The following TMEM14B variants were observed in gnomAD, a reference collection of about 807,000 sequenced individuals.
TMEM14B encodes the protein transmembrane protein 14B.
Under a neutral mutation model 14.8 loss-of-function variants are expected in TMEM14B, and 9 were observed. That is an observed-to-expected ratio of 0.61 (90% CI 0.37 to 1.06). TMEM14B has a LOEUF of 1.06. Ranked by LOEUF, TMEM14B falls within the 50% of genes least tolerant of loss-of-function variation. The pLI, the probability that TMEM14B is intolerant of heterozygous loss-of-function variation, is 0.01. For missense variants in TMEM14B, 128 were observed against 143.6 expected (o/e 0.89, Z 0.56); for synonymous variants, 40 against 51.3 (o/e 0.78, Z 0.94).
chr6:10,759,206 G>A (rs112889974), downstream of TMEM14B: 6,333 of 150,882 alleles, frequency 0.042, 439 homozygotes, highest in African/African-American at 0.14. Flanking sequence ...ATGAGCCACC[G>A]CACCAGGCCA....
chr6:10,756,267 T>A (rs79716849), intron 5 of TMEM14B, among the ~76,000 whole-genome samples, 200 bp from the exon 6 acceptor site: 4,012 of 152,236 alleles, frequency 0.026, 172 homozygotes, highest in African/African-American at 0.092. Context: ...GTGTGCTATT[T>A]TAAGACCTCA....
intron 4 of TMEM14B, 103 bp downstream of exon 4, chr6:10,751,337 T>A: frequency 7.7e-7 from 1 of 1,304,560 alleles, no homozygotes. Flanking sequence ...CCCACTTAAT[T>A]TACGACAGTT....
chr6:10,757,517 ATTAG>A (rs1771847980), downstream of TMEM14B, among the ~76,000 whole-genome samples: 1 of 152,166 alleles, frequency 6.6e-6, no homozygotes, highest in African/African-American at 2.4e-5. Context: ...TTTTTTGTTA[ATTAG>A]TTCATATATA....
At chr6:10,748,714 C>T (rs1208949045) in intron 1 of TMEM14B, among the ~76,000 whole-genome samples, 1 of 152,146 alleles carries the variant, frequency 6.6e-6, no homozygotes, top group Non-Finnish European at 1.5e-5. Context: ...CCCTCCCCTT[C>T]TGCCCTCCTA....
intron 5 of TMEM14B, 180 bp downstream of exon 5, chr6:10,755,412 T>G: frequency 6.7e-7 from 1 of 1,496,156 alleles, no homozygotes; most frequent in Non-Finnish European, 8.9e-7. Context: ...TCAAATGACA[T>G]GAGTATATCC....
At chr6:10,757,592 C>T (rs1186468781), downstream of TMEM14B, among the ~76,000 whole-genome samples, 2 of 152,182 alleles carry the variant, frequency 1.3e-5, no homozygotes, top group Non-Finnish European at 2.9e-5. Flanking sequence ...CTACATTGGA[C>T]ACATTTACTG....
chr6:10,751,036 C>CT (rs1771533430), intron 3 of TMEM14B, 97 bp from the exon 4 acceptor site: 1 of 1,459,574 alleles, frequency 6.9e-7, no homozygotes, highest in East Asian at 2.3e-5. Flanking sequence ...GTTGAGAGTT[C>CT]TTTGTGCTGT....
chr6:10,756,061 A>G (rs1232819479), intron 5 of TMEM14B, among the ~76,000 whole-genome samples: 1 of 152,194 alleles, frequency 6.6e-6, no homozygotes, highest in Non-Finnish European at 1.5e-5. Context: ...TACTCTGATC[A>G]TAGTCGTGAT....
rs745875553 is a variant in TMEM14B, at chr6:10,756,527, A to C, written c.*9A>C. ...TGATGACATCTGATTAGCAGAAGTC[A>C]TGTTCCAGCTTGGACTCATGAAGGA... On this transcript the variant is annotated 3_prime_UTR_variant, in exon 6 of 6. Coordinates refer to ENST00000379542, the MANE Select transcript of TMEM14B (RefSeq NM_030969.5). The C allele has an allele frequency of 6.8e-6, 11 of 1,612,910 alleles. No individual in the cohort carries two copies. Among genetic ancestry groups the C allele is most frequent in the Non-Finnish European group, 9.3e-6 (11 of 1,179,552 alleles).
At position 10,749,205 on chromosome 6, in the gene TMEM14B, C is replaced by A. The variant is rs757931063; in HGVS notation, c.-41C>A. On this transcript the variant is annotated 5_prime_UTR_variant, in exon 2 of 6. Transcript: ENST00000379542. ...TGATCCGGCTTGTTTTCCCCAGATG[C>A]AGGCCTGGGGTAGTCTCCTTTCTGG... The A allele has an allele frequency of 2.0e-5, 33 of 1,610,256 alleles. No homozygotes were observed. The highest frequency in any genetic ancestry group is 2.5e-5 in the Non-Finnish European group (29 of 1,176,926).
At chr6:10,752,128 C>G (rs1388845455) in intron 4 of TMEM14B, among the ~76,000 whole-genome samples, 1 of 152,024 alleles carries the variant, frequency 6.6e-6, no homozygotes, top group African/African-American at 2.4e-5. Flanking sequence ...AGCTCCCTCC[C>G]TCATGCTCCA....
chr6:10,752,811 T>C (rs140326176), intron 4 of TMEM14B: 61 of 152,212 alleles, frequency 4.0e-4, no homozygotes, highest in African/African-American at 1.4e-3. Flanking sequence ...ACCTGGTGTT[T>C]CCCCGAAGGT....
chr6:10,758,181 A>G (rs1404412646), downstream of TMEM14B, among the ~76,000 whole-genome samples: 1 of 152,138 alleles, frequency 6.6e-6, no homozygotes, highest in African/African-American at 2.4e-5. Context: ...AGAAGGCCAC[A>G]GATCATCCAA....
In TMEM14B at chr6:10,756,874, C is replaced by T; in HGVS notation, c.*356C>T. 1.0e-6 allele frequency: 1 copy of T among 992,404 alleles called. No individual in the cohort carries two copies. Among genetic ancestry groups the T allele is most frequent in the Non-Finnish European group, 1.2e-6 (1 of 834,714 alleles). 61.5% of individuals were successfully genotyped at this position (992,404 alleles called of 1,614,324 possible). On this transcript the variant is annotated 3_prime_UTR_variant, in exon 6 of 6. Coordinates refer to ENST00000379542, the MANE Select transcript of TMEM14B (RefSeq NM_030969.5). The stretch of plus-strand genomic sequence containing the variant: ...AGAGGAACAGTGTGAAAAAAAATCT[C>T]TTGAGAGATTTAGAATATCTTTTCT...
chr6:10,754,342 G>A (rs1264381296), intron 4 of TMEM14B, among the ~76,000 whole-genome samples: 1 of 152,128 alleles, frequency 6.6e-6, no homozygotes, highest in Non-Finnish European at 1.5e-5. Flanking sequence ...GCTCTATGTG[G>A]TCTGGCGCCT....
intron 4 of TMEM14B, among the ~76,000 whole-genome samples, chr6:10,753,676 C>G (rs983641745): frequency 6.6e-6 from 1 of 151,936 alleles, no homozygotes; most frequent in South Asian, 2.1e-4. Context: ...GGAATCTGCC[C>G]GGACCTAACC....
rs757456330 is a variant in TMEM14B, at chr6:10,751,138, G to A, written c.106G>A (p.Val36Met). 1.9e-6 allele frequency: 3 copies of A among 1,613,660 alleles called. No homozygotes were observed. Among genetic ancestry groups the A allele is most frequent in the East Asian group, 2.2e-5 (1 of 44,868 alleles). The part of the protein sequence containing the change: ...GIVGYVKTGS[V>M]PSLAAGLLFG... The stretch of plus-strand genomic sequence containing the variant: ...CTGCGTTTGCTTCCTTCTAGGCAGC[G>A]TGCCGTCCCTGGCTGCAGGGCTGCT... The change falls in exon 4 of 6, where the codon GTG becomes ATG. Residue 36 changes from valine to methionine, a missense_variant. By Grantham distance (21) the Val-to-Met change is conservative. Transcript: ENST00000379542.
At chr6:10,753,689 A>G (rs944213837) in intron 4 of TMEM14B, among the ~76,000 whole-genome samples, 2 of 151,758 alleles carry the variant, frequency 1.3e-5, no homozygotes, top group Non-Finnish European at 2.9e-5. Context: ...ACCTAACCTC[A>G]TGGCCACACA....
intron 3 of TMEM14B, among the ~76,000 whole-genome samples, chr6:10,750,662 C>T (rs1174695122): frequency 1.3e-5 from 2 of 152,042 alleles, no homozygotes; most frequent in East Asian, 3.9e-4. Flanking sequence ...CTTGGATGTG[C>T]TGGGAGTCAG....
Sources: gnomAD v4.1 joint callset for allele counts (sites outside exome capture counted in the v4.1 genomes callset) on GRCh38, gnomAD v4.1.1 for gene constraint, MANE v1.5 for transcripts, NCBI Gene and HGNC (gene_info 2026-07-23, HGNC 2026-07-21) for gene names.